The following KCNQ5 variants were observed in gnomAD, a reference collection of about 807,000 sequenced individuals.
KCNQ5 encodes potassium voltage-gated channel subfamily KQT member 5.
Under a neutral mutation model 98.2 loss-of-function variants are expected in KCNQ5, and 30 were observed. The observed-to-expected ratio is 0.31, with a 90% confidence interval of 0.23 to 0.41. The LOEUF (loss-of-function observed/expected upper bound fraction) is 0.41, where lower values mean the gene tolerates loss of function less well. Ranked by LOEUF, KCNQ5 falls within the 10% of genes least tolerant of loss-of-function variation. KCNQ5 has a pLI of 1.00. For synonymous variants in KCNQ5, 458 were observed against 449.4 expected (o/e 1.02, Z -0.24); for missense variants, 835 against 1,182.5 (o/e 0.71, Z 4.31).
intron 11 of KCNQ5, among the ~76,000 whole-genome samples, chr6:73,171,079 A>T (rs1024644256): frequency 6.6e-6 from 1 of 152,228 alleles, no homozygotes; most frequent in Non-Finnish European, 1.5e-5. Flanking sequence ...GATTTGCCCT[A>T]TAGCTGAGAG....
intron 5 of KCNQ5, among the ~76,000 whole-genome samples, chr6:73,091,720 G>T (rs12191713): frequency 7.2e-3 from 11 of 1,532 alleles, no homozygotes; most frequent in Non-Finnish European, 0.033. Flanking sequence ...GGTTGGGTTT[G>T]TTTTTGTTGT....
chr6:73,022,117 T>A (rs1300183785), intron 2 of KCNQ5, among the ~76,000 whole-genome samples: 1 of 152,150 alleles, frequency 6.6e-6, no homozygotes, highest in Non-Finnish European at 1.5e-5. Flanking sequence ...TAGCCAGTTA[T>A]TCAACACTAA....
At chr6:72,681,302 GATA>G (rs942257580) in intron 1 of KCNQ5, among the ~76,000 whole-genome samples, 1 of 152,174 alleles carries the variant, frequency 6.6e-6, no homozygotes, top group African/African-American at 2.4e-5. Context: ...GATGATAAGA[GATA>G]ATAATAGCTT....
rs190367547 is a variant in KCNQ5, at chr6:72,679,947, A to G, written c.398+57360A>G. On this transcript the variant is annotated intron_variant, in intron 1 of 13. Transcript: ENST00000370398. ...CAGCTACTCGGGAGGCTGAGGCAGG[A>G]GAATAGCTTGAACACAGGAGACAGA... Among the ~76,000 whole-genome samples the G allele has an allele frequency of 5.6e-3, 848 of 152,288 alleles. 8 individuals are homozygous for G. Among genetic ancestry groups the G allele is most frequent in the Non-Finnish European group, 8.5e-3 (577 of 68,026 alleles).
chr6:72,998,425 A>G (rs1179207633), intron 1 of KCNQ5, among the ~76,000 whole-genome samples: 4 of 152,312 alleles, frequency 2.6e-5, no homozygotes, highest in Non-Finnish European at 4.4e-5. Flanking sequence ...TTTCAATCCT[A>G]TGGTTCCATT....
At chr6:72,772,710 C>G (rs1234516080) in intron 1 of KCNQ5, among the ~76,000 whole-genome samples, 1 of 152,140 alleles carries the variant, frequency 6.6e-6, no homozygotes, top group Non-Finnish European at 1.5e-5. Context: ...CTTGCTCAAC[C>G]TGTCAATTGT....
chr6:72,929,011 G>A (rs1028695502), intron 1 of KCNQ5, among the ~76,000 whole-genome samples: 45 of 151,996 alleles, frequency 3.0e-4, no homozygotes, highest in African/African-American at 7.2e-4. Context: ...TAAGTCATGC[G>A]TATAGAAGTA....
chr6:72,902,376 A>G (rs1439339073), intron 1 of KCNQ5, among the ~76,000 whole-genome samples: 4 of 152,138 alleles, frequency 2.6e-5, no homozygotes. Flanking sequence ...TTCCAGTACT[A>G]TGTTGAAGAG....
intron 1 of KCNQ5, among the ~76,000 whole-genome samples, chr6:72,918,722 A>T (rs537053846): frequency 8.5e-5 from 13 of 152,246 alleles, no homozygotes; most frequent in Non-Finnish European, 1.0e-4. Context: ...GAGCCACCAA[A>T]TAAAATTTTC....
chr6:73,094,113 T>C (rs929321962), intron 5 of KCNQ5, among the ~76,000 whole-genome samples: 3 of 152,194 alleles, frequency 2.0e-5, no homozygotes, highest in Admixed American at 2.0e-4. Flanking sequence ...ACGTTTAGGA[T>C]TGTGATGTTT....
chr6:72,963,368 G>A (rs996531908), intron 1 of KCNQ5, among the ~76,000 whole-genome samples: 1 of 151,952 alleles, frequency 6.6e-6, no homozygotes, highest in Non-Finnish European at 1.5e-5. Flanking sequence ...AATATGATTT[G>A]GCTAATATAT....
At chr6:73,153,069 G>T (rs1777218608) in intron 10 of KCNQ5, among the ~76,000 whole-genome samples, 1 of 152,180 alleles carries the variant, frequency 6.6e-6, no homozygotes, top group African/African-American at 2.4e-5. Flanking sequence ...GTCTGGGAGA[G>T]ATTGCACGCA....
chr6:73,015,683 A>G (rs1320269736), intron 2 of KCNQ5, among the ~76,000 whole-genome samples: 3 of 152,178 alleles, frequency 2.0e-5, no homozygotes, highest in Non-Finnish European at 4.4e-5. Context: ...TTTAGCTCTT[A>G]TGCCCTTTTG....
At chr6:72,896,520 T>G (rs1401112360) in intron 1 of KCNQ5, among the ~76,000 whole-genome samples, 1 of 152,160 alleles carries the variant, frequency 6.6e-6, no homozygotes, top group East Asian at 1.9e-4. Context: ...TTCCATGCTG[T>G]AATTGCGGAG....
At chr6:73,059,997 ACAT>A (rs1772709002) in intron 3 of KCNQ5, among the ~76,000 whole-genome samples, 1 of 152,202 alleles carries the variant, frequency 6.6e-6, no homozygotes, top group African/African-American at 2.4e-5. Flanking sequence ...ACAGATAATG[ACAT>A]TAGTTAGAGC....
intron 1 of KCNQ5, among the ~76,000 whole-genome samples, chr6:72,780,197 A>ACTT (rs1773390177): frequency 6.6e-6 from 1 of 152,134 alleles, no homozygotes; most frequent in South Asian, 2.1e-4. Context: ...AGGTTAAGTA[A>ACTT]CTTCTCCAAG....
intron 1 of KCNQ5, among the ~76,000 whole-genome samples, chr6:72,729,201 C>T (rs1347855910): frequency 6.6e-6 from 1 of 152,090 alleles, no homozygotes; most frequent in Non-Finnish European, 1.5e-5. Flanking sequence ...ATAATTGTTG[C>T]AATGACTAAT....
intron 9 of KCNQ5, among the ~76,000 whole-genome samples, chr6:73,129,319 A>C (rs1361804125): frequency 1.9e-3 from 1 of 532 alleles, no homozygotes; most frequent in Non-Finnish European, 3.4e-3. Context: ...GTTTTGTTGA[A>C]CATATATTCT....
At chr6:73,029,883 C>T (rs1035106376) in intron 2 of KCNQ5, among the ~76,000 whole-genome samples, 2 of 120,168 alleles carry the variant, frequency 1.7e-5, no homozygotes, top group African/African-American at 6.2e-5. Flanking sequence ...TGCACTCCAG[C>T]GACAGAGCCA....
Sources: gnomAD v4.1 joint callset for allele counts (sites outside exome capture counted in the v4.1 genomes callset) on GRCh38, gnomAD v4.1.1 for gene constraint, MANE v1.5 for transcripts, NCBI Gene and HGNC (gene_info 2026-07-23, HGNC 2026-07-21) for gene names.